Variants in EFEMP1 observed in about 807,000 individuals in gnomAD.
The protein encoded by EFEMP1 is EGF-like fibulin extracellular matrix protein 1, also known as EGF-containing fibulin-like extracellular matrix protein 1.
Under a neutral mutation model 65.7 loss-of-function variants are expected in EFEMP1, and 18 were observed. The observed-to-expected ratio is 0.27, with a 90% CI of 0.19 to 0.41. The LOEUF is 0.41. Among genes scored for constraint, EFEMP1 ranks in the 10% least tolerant of loss-of-function variants. The pLI is 1.00. For synonymous variants in EFEMP1, 237 were observed against 219.7 expected, an observed-to-expected ratio of 1.08 and a Z score of -0.70; for missense variants, 469 against 624.8, an observed-to-expected ratio of 0.75 and a Z score of 2.66.
At chr2:55,889,230 T>C (rs990862955) in intron 5 of EFEMP1, among the ~76,000 whole-genome samples, 1 of 152,260 alleles carries the variant, frequency 6.6e-6, no homozygotes, top group African/African-American at 2.4e-5. Context: ...GACCTCCTAA[T>C]TGTATGAAAC....
intron 5 of EFEMP1, among the ~76,000 whole-genome samples, chr2:55,894,602 G>C (rs895800596): frequency 1.1e-4 from 17 of 152,006 alleles, no homozygotes; most frequent in African/African-American, 4.1e-4. Context: ...TTTAATTTTG[G>C]GCCAATATTT....
At chr2:55,911,878 T>C (rs980557314) in intron 5 of EFEMP1, among the ~76,000 whole-genome samples, 4 of 152,208 alleles carry the variant, frequency 2.6e-5, no homozygotes, top group African/African-American at 7.2e-5. Flanking sequence ...CAAATGTGTA[T>C]TGAAAATGAC....
At position 55,922,765 on chromosome 2, in the gene EFEMP1, C is replaced by A; in HGVS notation, c.-8+134G>T. The A allele has an allele frequency of 1.5e-6, 1 of 660,628 alleles. No individual in the cohort carries two copies. Among genetic ancestry groups the A allele is most frequent in the South Asian group, 2.0e-5 (1 of 48,922 alleles). 40.9% of individuals were successfully genotyped at this position (660,628 alleles called of 1,614,324 possible). A position where few individuals can be genotyped will look rare whatever the true frequency, so the allele number is the denominator to read the frequency against. The stretch of plus-strand genomic sequence containing the variant: ...AAAGCAGGCTGCAGAAAGAGGGGGT[C>A]GAAAGGAAAAAACAGTAATCCATTT... On this transcript the variant is annotated intron_variant, in intron 2 of 11. Coordinates refer to ENST00000355426, the MANE Select transcript of EFEMP1 (RefSeq NM_001039348.3). This position sits in a 1 kb window ranked among gnomAD's most constrained non-coding sequence, Gnocchi z 5.5.
rs1343910626 is a variant in EFEMP1, at chr2:55,919,934, C to T, written c.82-1667G>A. Among the ~76,000 whole-genome samples, 1 of 152,194 alleles carries T rather than the reference C, an allele frequency of 6.6e-6. No homozygotes were observed. The highest frequency in any genetic ancestry group is 1.5e-5 in the Non-Finnish European group (1 of 68,042). On this transcript the variant is annotated intron_variant, in intron 3 of 11. Coordinates refer to ENST00000355426, the MANE Select transcript of EFEMP1 (RefSeq NM_001039348.3). The surrounding 1 kb of genome is among the most constrained non-coding windows in gnomAD (Gnocchi z 4.5). ...GTCTACTAAGAAAGGCTTTTGCTGG[C>T]CCATGAGTAGGCAAGGCCCCGCATC...
chr2:55,903,888 T>G (rs894025754), intron 5 of EFEMP1, among the ~76,000 whole-genome samples: 2 of 152,162 alleles, frequency 1.3e-5, no homozygotes, highest in African/African-American at 2.4e-5. Flanking sequence ...GGTATAGTCT[T>G]GTGATTGCTC....
chr2:55,890,406 T>C (rs1464282902), intron 5 of EFEMP1, among the ~76,000 whole-genome samples: 1 of 152,056 alleles, frequency 6.6e-6, no homozygotes, highest in Non-Finnish European at 1.5e-5. Context: ...CTCCTGGTAA[T>C]TGAAAGAATA....
chr2:55,881,225 A>G (rs965660606), intron 6 of EFEMP1, among the ~76,000 whole-genome samples: 5 of 152,002 alleles, frequency 3.3e-5, no homozygotes, highest in African/African-American at 9.7e-5. Context: ...TTGGAATGCA[A>G]CTCCACCATT....
At chr2:55,868,885 AT>A (rs1668689743) in intron 11 of EFEMP1, among the ~76,000 whole-genome samples, 1 of 152,178 alleles carries the variant, frequency 6.6e-6, no homozygotes. Context: ...ATGCGTTTCA[AT>A]GCCCTCTGCA....
At position 55,922,623 on chromosome 2, in the gene EFEMP1, A is replaced by G. The variant is rs1670944698; in HGVS notation, c.-7-176T>C. 1 of 660,578 alleles carries G rather than the reference A, an allele frequency of 1.5e-6. No individual in the cohort carries two copies. Among genetic ancestry groups the G allele is most frequent in the Non-Finnish European group, 2.6e-6 (1 of 379,258 alleles). The allele number at this position is 660,578 out of a possible 1,614,324, so 40.9% of individuals were successfully genotyped here. On this transcript the variant is annotated intron_variant, in intron 2 of 11. Transcript: ENST00000355426. This position sits in a 1 kb window ranked among gnomAD's most constrained non-coding sequence, Gnocchi z 5.5. ...CCCCTCCTGAACCTTCTCGGTAGCC[A>G]ACGAACGAGGCAGCAAAGACGTAAA...
intron 5 of EFEMP1, among the ~76,000 whole-genome samples, chr2:55,899,182 C>T (rs1398174154): frequency 6.6e-6 from 1 of 152,330 alleles, no homozygotes; most frequent in South Asian, 2.1e-4. Flanking sequence ...CAGAATTTTT[C>T]AGTAATCGCC....
intron 5 of EFEMP1, among the ~76,000 whole-genome samples, chr2:55,906,913 A>G (rs1670302649): frequency 6.6e-6 from 1 of 152,250 alleles, no homozygotes; most frequent in African/African-American, 2.4e-5. Context: ...GAGAAAGATT[A>G]GTAATGAAAT....
intron 4 of EFEMP1, 75 bp from the exon 5 acceptor site, chr2:55,918,126 C>CT: frequency 1.2e-6 from 2 of 1,613,156 alleles, no homozygotes; most frequent in Non-Finnish European, 1.7e-6. Flanking sequence ...ATGCTCATGC[C>CT]TTTTTGGTAT....
Position 55,922,368 on chromosome 2 carries a change from T to G in EFEMP1, c.73A>C (p.Thr25Pro). ...ATTCCATCACCCCTTACCGTGTACG[T>G]GATGGTTTCTTCGGTGTCCTGTGAC... is the stretch of plus-strand genomic sequence containing the variant. ...VKSQDTEETI[T>P]YTQCTDGYEW... The change falls in exon 3 of 12, where the codon ACG becomes CCG. Residue 25 changes from threonine (T) to proline (P), a missense_variant. Thr to Pro is a conservative substitution (Grantham distance 38). Around this residue, in one of 3 missense-constraint regions of EFEMP1, gnomAD observed 66 missense variants for 73.0 expected, o/e 0.90. Coordinates refer to ENST00000355426, the MANE Select transcript of EFEMP1 (RefSeq NM_001039348.3). This position sits in a 1 kb window ranked among gnomAD's most constrained non-coding sequence, Gnocchi z 5.5. 1 of 1,613,866 alleles carries G rather than the reference T, an allele frequency of 6.2e-7. No individual in the cohort carries two copies. Among genetic ancestry groups the G allele is most frequent in the Non-Finnish European group, 8.5e-7 (1 of 1,179,806 alleles).
In EFEMP1 at chr2:55,886,105, C is replaced by T. The variant is rs1669411255; in HGVS notation, c.518-4371G>A. 6.6e-6 allele frequency among the ~76,000 whole-genome samples: 1 copy of T among 152,106 alleles called. No homozygotes were observed. The highest frequency in any genetic ancestry group is 1.5e-5 in the Non-Finnish European group (1 of 68,012). On this transcript the variant is annotated intron_variant, in intron 5 of 11. Coordinates refer to ENST00000355426, the MANE Select transcript of EFEMP1 (RefSeq NM_001039348.3). The surrounding 1 kb of genome is among the most constrained non-coding windows in gnomAD (Gnocchi z 4.0). ...TAATTTAGAACTACTTTTGAATAAG[C>T]CACTGTAGACTAGTGATGAGAATGC...
chr2:55,882,464 G>T (rs1252625640), intron 5 of EFEMP1, among the ~76,000 whole-genome samples: 1 of 152,066 alleles, frequency 6.6e-6, no homozygotes, highest in East Asian at 1.9e-4. Context: ...GAGTATGCAG[G>T]TTACAGTTCT....
At position 55,873,066 on chromosome 2, in the gene EFEMP1, CCACACACACACACA is replaced by C. The variant is rs58841515; in HGVS notation, c.1000+1866_1000+1879del. 1.4e-5 allele frequency among the ~76,000 whole-genome samples: 2 copies of C among 145,294 alleles called. No homozygotes were observed. The highest frequency in any genetic ancestry group is 2.5e-5 in the African/African-American group (1 of 39,280). On this transcript the variant is annotated intron_variant, in intron 9 of 11. Transcript: ENST00000355426. This position sits in a 1 kb window ranked among gnomAD's most constrained non-coding sequence, Gnocchi z 4.6. ...TTCTTTTGTCTCTCTGTCTCTCTCTCCACACACACACACACACACACACACACACACACACAGTT... is the reference window on the plus strand; with the variant it reads ...TTCTTTTGTCTCTCTGTCTCTCTCTCCACACACACACACACACACACAGTT...
intron 5 of EFEMP1, among the ~76,000 whole-genome samples, chr2:55,907,732 G>A (rs2104437063): frequency 6.6e-6 from 1 of 152,254 alleles, no homozygotes; most frequent in East Asian, 1.9e-4. Flanking sequence ...GCAGTGAGTT[G>A]GACCCCATGA....
Position 55,918,265 on chromosome 2 carries a change from T to C in EFEMP1, c.84A>G (p.Gln28=). Residue 28 remains glutamine, a splice_region_variant and synonymous_variant, in exon 4 of 12, where the codon CAA becomes CAG. Coordinates refer to ENST00000355426, the MANE Select transcript of EFEMP1 (RefSeq NM_001039348.3). ...QDTEETITYT[Q]CTDGYEWDPV... is the part of the protein sequence containing the mutation. ...GATCCCACTCATATCCGTCAGTGCATTGCTGTGAAGAAAACATCAAAGGTG... is the reference window on the plus strand; with the variant it reads ...GATCCCACTCATATCCGTCAGTGCACTGCTGTGAAGAAAACATCAAAGGTG... 3 of 1,614,186 alleles carry C rather than the reference T, an allele frequency of 1.9e-6. No individual in the cohort carries two copies. Among genetic ancestry groups the C allele is most frequent in the Non-Finnish European group, 2.5e-6 (3 of 1,180,028 alleles).
intron 5 of EFEMP1, among the ~76,000 whole-genome samples, chr2:55,894,994 T>G (rs1482188468): frequency 6.6e-6 from 1 of 152,356 alleles, no homozygotes; most frequent in Non-Finnish European, 1.5e-5. Flanking sequence ...TTCTTCCAAC[T>G]TGAGAACTCT....
Sources: gnomAD v4.1 joint callset for allele counts (sites outside exome capture counted in the v4.1 genomes callset) on GRCh38, gnomAD v4.1.1 for gene constraint, gnomAD v4.1.1 regional missense constraint, Gnocchi (gnomAD v3.1) non-coding constraint, MANE v1.5 for transcripts, NCBI Gene and HGNC (gene_info 2026-07-23, HGNC 2026-07-21) for gene names.